The following CCSER1 variants were observed in gnomAD, a reference collection of about 807,000 sequenced individuals.
The protein encoded by CCSER1 is coiled-coil serine rich protein 1, also known as serine-rich coiled-coil domain-containing protein 1.
Under a neutral mutation model 82.0 loss-of-function variants are expected in CCSER1, and 41 were observed. The ratio of observed to expected loss-of-function variants is 0.50; its 90% CI spans 0.39 to 0.65. The LOEUF (loss-of-function observed/expected upper bound fraction) is 0.65. Ranked by LOEUF, CCSER1 falls within the 30% of genes least tolerant of loss-of-function variation. CCSER1 has a pLI of 0.00. For missense variants in CCSER1, 1,119 were observed against 1,064.2 expected (o/e 1.05, Z -0.72); for synonymous variants, 414 against 383.9 (o/e 1.08, Z -0.92).
chr4:91,602,322 T>A lies in CCSER1; in HGVS notation c.*3265T>A, dbSNP rs1156483997. Among the ~76,000 whole-genome samples the A allele has an allele frequency of 6.6e-6, 1 of 152,020 alleles. No homozygotes were observed. The highest frequency in any genetic ancestry group is 1.9e-4 in the East Asian group (1 of 5,202). ...GGAAATTCCACATTTTGTTTTGTTT[T>A]CTTTGTCTTGTTTAATAGAGATAAT... On this transcript the variant is annotated 3_prime_UTR_variant, in exon 11 of 11. Coordinates refer to ENST00000509176, the MANE Select transcript of CCSER1 (RefSeq NM_001145065.2).
intron 10 of CCSER1, among the ~76,000 whole-genome samples, chr4:91,120,281 T>A (rs1726971087): frequency 1.3e-5 from 2 of 151,976 alleles, no homozygotes; most frequent in Non-Finnish European, 2.9e-5. Context: ...GAGCAAAGTG[T>A]GGCTGTGGTT....
At chr4:91,321,127 T>C (rs1052098677) in intron 10 of CCSER1, among the ~76,000 whole-genome samples, 5 of 152,106 alleles carry the variant, frequency 3.3e-5, no homozygotes, top group African/African-American at 1.2e-4. Flanking sequence ...CAAAATTAGT[T>C]AGAATAAGAG....
At chr4:90,296,868 C>A (rs1488330556) in intron 1 of CCSER1, among the ~76,000 whole-genome samples, 1 of 152,118 alleles carries the variant, frequency 6.6e-6, no homozygotes, top group East Asian at 1.9e-4. Context: ...GTTTTGGTAC[C>A]AGTACCATGC....
At chr4:91,560,437 A>T (rs912270036) in intron 10 of CCSER1, among the ~76,000 whole-genome samples, 21 of 151,554 alleles carry the variant, frequency 1.4e-4, no homozygotes, top group African/African-American at 5.1e-4. Context: ...CCATTGATAT[A>T]TGAACATACA....
chr4:91,463,417 C>CA (rs1756636787), intron 10 of CCSER1, among the ~76,000 whole-genome samples: 1 of 152,130 alleles, frequency 6.6e-6, no homozygotes, highest in African/African-American at 2.4e-5. Context: ...AAAAACAGAG[C>CA]AAAAAAGCTG....
At chr4:90,220,467 T>G (rs988266315) in intron 1 of CCSER1, among the ~76,000 whole-genome samples, 21 of 152,162 alleles carry the variant, frequency 1.4e-4, no homozygotes, top group African/African-American at 4.8e-4. Flanking sequence ...ATTTGCTTTT[T>G]TTTTTGCTTT....
intron 10 of CCSER1, among the ~76,000 whole-genome samples, chr4:91,303,515 G>A (rs1744822580): frequency 6.6e-6 from 1 of 152,028 alleles, no homozygotes; most frequent in Admixed American, 6.6e-5. Flanking sequence ...GCCAGGCACA[G>A]TTGTTCACAC....
chr4:90,303,786 C>A (rs1479932687), intron 1 of CCSER1, among the ~76,000 whole-genome samples: 10 of 152,130 alleles, frequency 6.6e-5, no homozygotes, highest in African/African-American at 2.4e-4. Flanking sequence ...GCAACAAAAG[C>A]CAAAATTGAC....
At chr4:90,823,409 G>T (rs1760021655) in intron 8 of CCSER1, among the ~76,000 whole-genome samples, 1 of 152,042 alleles carries the variant, frequency 6.6e-6, no homozygotes, top group Admixed American at 6.6e-5. Flanking sequence ...TGAGAGTTAA[G>T]TTTGTGATCT....
chr4:90,382,042 C>T (rs1431100603), intron 3 of CCSER1, among the ~76,000 whole-genome samples: 2 of 151,916 alleles, frequency 1.3e-5, no homozygotes, highest in East Asian at 3.9e-4. Context: ...AGTGGTTGGA[C>T]AGGAAACAAT....
At position 90,839,017 on chromosome 4, in the gene CCSER1, C is replaced by T. The variant is rs771962862; in HGVS notation, c.2094+23172C>T. ...GCTTATCGAATTTCTCGATCTCAGC[C>T]ATATCGGGTTTGTCAGACATGGTTG... On this transcript the variant is annotated intron_variant, in intron 8 of 10. Coordinates refer to ENST00000509176, the MANE Select transcript of CCSER1 (RefSeq NM_001145065.2). 14 of 1,612,334 alleles carry T rather than the reference C, an allele frequency of 8.7e-6. No individual in the cohort carries two copies. The East Asian group carries it at 2.9e-4, about 33-fold the overall frequency.
intron 4 of CCSER1, among the ~76,000 whole-genome samples, chr4:90,453,086 C>T (rs189283454): frequency 3.3e-5 from 5 of 152,162 alleles, no homozygotes; most frequent in Admixed American, 1.3e-4. Context: ...TCTTTTGACA[C>T]ACCTTCTCAA....
At chr4:91,398,171 T>C (rs1401527253) in intron 10 of CCSER1, among the ~76,000 whole-genome samples, 2 of 151,956 alleles carry the variant, frequency 1.3e-5, no homozygotes, top group African/African-American at 4.8e-5. Flanking sequence ...AAATGTGTGG[T>C]CCATGGTAAA....
intron 7 of CCSER1, among the ~76,000 whole-genome samples, chr4:90,759,222 G>A (rs987294472): frequency 6.6e-5 from 10 of 152,096 alleles, no homozygotes; most frequent in African/African-American, 2.4e-4. Context: ...ACACAGCATT[G>A]GAATGATTTC....
At chr4:90,150,214 C>T (rs1726564943) in intron 1 of CCSER1, among the ~76,000 whole-genome samples, 1 of 152,106 alleles carries the variant, frequency 6.6e-6, no homozygotes, top group Admixed American at 6.6e-5. Context: ...CTGGTATCTG[C>T]GGGGAGTCCT....
chr4:91,237,292 T>C (rs1739088741), intron 10 of CCSER1, among the ~76,000 whole-genome samples: 1 of 151,818 alleles, frequency 6.6e-6, no homozygotes, highest in Non-Finnish European at 1.5e-5. Context: ...ACATCTGTTA[T>C]AATCAGTGAA....
intron 5 of CCSER1, among the ~76,000 whole-genome samples, chr4:90,613,689 A>G (rs1203212504): frequency 6.6e-6 from 1 of 152,162 alleles, no homozygotes; most frequent in Non-Finnish European, 1.5e-5. Flanking sequence ...CCTGTTTAGC[A>G]AGACTGCATG....
intron 1 of CCSER1, among the ~76,000 whole-genome samples, chr4:90,210,450 C>CTTTTCTTTTCT (rs1553959475): frequency 6.4e-5 from 9 of 141,284 alleles, no homozygotes; most frequent in African/African-American, 1.9e-4. Flanking sequence ...CTTTTCTTTT[C>CTTTTCTTTTCT]TTTTTTTTTT....
intron 3 of CCSER1, among the ~76,000 whole-genome samples, chr4:90,348,319 C>G (rs1340739542): frequency 4.6e-5 from 7 of 152,120 alleles, no homozygotes; most frequent in African/African-American, 1.7e-4. Context: ...AGTTTTTCTA[C>G]TCTCATAAAA....
Sources: gnomAD v4.1 joint callset for allele counts (sites outside exome capture counted in the v4.1 genomes callset) on GRCh38, gnomAD v4.1.1 for gene constraint, MANE v1.5 for transcripts, NCBI Gene and HGNC (gene_info 2026-07-23, HGNC 2026-07-21) for gene names.